Variants in KCNT2 observed in about 807,000 individuals in gnomAD.
The protein encoded by KCNT2 is potassium channel subfamily T member 2.
A neutral mutation model predicts 153.8 loss-of-function variants in KCNT2; 67 were observed. That is an observed-to-expected ratio of 0.44 (90% CI 0.36 to 0.53). The LOEUF (loss-of-function observed/expected upper bound fraction) is 0.53. KCNT2 is among the 20% of genes least tolerant of loss of function. The probability of loss-of-function intolerance (pLI) is 0.00; values close to 1 mark genes in which losing one functional copy is unlikely to be tolerated. For missense variants in KCNT2, 975 were observed against 1,354.8 expected (o/e 0.72, Z 4.40); for synonymous variants, 500 against 458.8 (o/e 1.09, Z -1.15).
At chr1:196,237,088 A>C (rs527580343) in intron 26 of KCNT2, among the ~76,000 whole-genome samples, 1 of 148,508 alleles carries the variant, frequency 6.7e-6, no homozygotes, top group East Asian at 1.9e-4. Context: ...AGTCTAAGAA[A>C]TGGTTTCATA....
intron 6 of KCNT2, among the ~76,000 whole-genome samples, chr1:196,468,160 A>G (rs1317010703): frequency 6.6e-6 from 1 of 152,044 alleles, no homozygotes; most frequent in Non-Finnish European, 1.5e-5. Flanking sequence ...TTTTTTCATA[A>G]TATTGCCTCT....
chr1:196,387,701 G>A (rs150096855), intron 13 of KCNT2, among the ~76,000 whole-genome samples: 56 of 151,832 alleles, frequency 3.7e-4, no homozygotes, highest in Admixed American at 1.5e-3. Context: ...AATGGTCATT[G>A]GTATATCCTT....
chr1:196,593,738 C>T (rs1018632195), intron 1 of KCNT2, among the ~76,000 whole-genome samples: 2 of 151,782 alleles, frequency 1.3e-5, no homozygotes, highest in African/African-American at 4.8e-5. Context: ...AAAAAAGAAA[C>T]CCTACAAAAG....
chr1:196,321,687 C>G (rs1409898175), intron 19 of KCNT2, among the ~76,000 whole-genome samples: 1 of 151,760 alleles, frequency 6.6e-6, no homozygotes, highest in Non-Finnish European at 1.5e-5. Flanking sequence ...AATATATAAT[C>G]CTGATGAAGG....
intron 1 of KCNT2, among the ~76,000 whole-genome samples, chr1:196,495,271 T>G (rs1472676946): frequency 1.3e-5 from 2 of 152,094 alleles, no homozygotes; most frequent in Non-Finnish European, 2.9e-5. Context: ...GCTTTTTTTT[T>G]TTTAATTTGA....
intron 21 of KCNT2, among the ~76,000 whole-genome samples, chr1:196,310,817 T>C (rs1662102457): frequency 6.6e-6 from 1 of 151,914 alleles, no homozygotes; most frequent in Non-Finnish European, 1.5e-5. Flanking sequence ...TTTTAAAATT[T>C]CTTTATTCTT....
chr1:196,404,169 C>T, intron 12 of KCNT2: 1 of 975,518 alleles, frequency 1.0e-6, no homozygotes, highest in Non-Finnish European at 1.2e-6. Context: ...GTTGATTATG[C>T]CTCTAAAGAC....
At chr1:196,542,866 T>C (rs1358735922) in intron 1 of KCNT2, among the ~76,000 whole-genome samples, 9 of 151,932 alleles carry the variant, frequency 5.9e-5, no homozygotes, top group African/African-American at 2.2e-4. Flanking sequence ...TGTTATGAAA[T>C]AAGAGTGAAG....
intron 1 of KCNT2, among the ~76,000 whole-genome samples, chr1:196,495,299 CT>C (rs1680170378): frequency 6.6e-6 from 1 of 151,474 alleles, no homozygotes; most frequent in Non-Finnish European, 1.5e-5. Context: ...ATAACTCTTT[CT>C]AGCAGCAAGG....
At chr1:196,545,357 A>C (rs564527316) in intron 1 of KCNT2, among the ~76,000 whole-genome samples, 1 of 152,198 alleles carries the variant, frequency 6.6e-6, no homozygotes, top group South Asian at 2.1e-4. Flanking sequence ...ACCACCATGA[A>C]GTAGATCACC....
chr1:196,493,159 C>T (rs934177742), intron 1 of KCNT2, among the ~76,000 whole-genome samples: 7 of 152,170 alleles, frequency 4.6e-5, no homozygotes, highest in African/African-American at 1.7e-4. Context: ...GTAAATAATA[C>T]TCAATTTCCT....
chr1:196,279,095 C>T (rs745507306), intron 25 of KCNT2, among the ~76,000 whole-genome samples: 1 of 152,174 alleles, frequency 6.6e-6, no homozygotes, highest in Non-Finnish European at 1.5e-5. Flanking sequence ...AATTAAATTT[C>T]TGTTGTTTAC....
At chr1:196,320,700 C>T (rs536823277) in intron 19 of KCNT2, among the ~76,000 whole-genome samples, 8 of 144,044 alleles carry the variant, frequency 5.6e-5, no homozygotes, top group African/African-American at 2.1e-4. Context: ...CTTAATACAG[C>T]AAAACATTTA....
At chr1:196,301,206 T>C (rs529824617) in intron 22 of KCNT2, among the ~76,000 whole-genome samples, 17 of 152,260 alleles carry the variant, frequency 1.1e-4, no homozygotes, top group African/African-American at 3.1e-4. Context: ...CTCAAGTCTA[T>C]TGAATTTCCC....
intron 26 of KCNT2, among the ~76,000 whole-genome samples, chr1:196,244,031 G>T (rs1331284603): frequency 6.6e-6 from 1 of 152,036 alleles, no homozygotes; most frequent in Non-Finnish European, 1.5e-5. Flanking sequence ...ACCAGGCAAA[G>T]TCCCGAGGTC....
chr1:196,280,728 T>G, intron 25 of KCNT2, 132 bp downstream of exon 25: 1 of 863,076 alleles, frequency 1.2e-6, no homozygotes, highest in Non-Finnish European at 1.8e-6. Flanking sequence ...GTTCTGAGAT[T>G]TAACACTACG....
chr1:196,450,802 C>T (rs932774676), intron 8 of KCNT2, among the ~76,000 whole-genome samples: 1 of 151,830 alleles, frequency 6.6e-6, no homozygotes. Flanking sequence ...TTTATTAAAA[C>T]GTCTATCTGA....
chr1:196,258,399 A>G lies in KCNT2; in HGVS notation c.3006T>C (p.Ser1002=), dbSNP rs751403929. 1 of 1,613,924 alleles carries G rather than the reference A, an allele frequency of 6.2e-7. No individual in the cohort carries two copies. Among genetic ancestry groups the G allele is most frequent in the Non-Finnish European group, 8.5e-7 (1 of 1,179,968 alleles). ...GCAGCAAGGGATGGTCCGACTGATC[A>G]CTGGATGTTGAGTTGCGGTGGTTGC... The part of the protein sequence containing the change: ...HRSNHRNSTS[S]DQSDHPLLRR... The change falls in exon 26 of 28, where the codon AGT becomes AGC. Residue 1002 remains serine (S), a synonymous_variant. Transcript: ENST00000294725.
chr1:196,230,449 A>G (rs773183156), intron 27 of KCNT2, among the ~76,000 whole-genome samples: 18 of 152,044 alleles, frequency 1.2e-4, no homozygotes, highest in Admixed American at 5.2e-4. Context: ...AAGAGCTCTG[A>G]TGGAGATGTA....
Sources: gnomAD v4.1 joint callset for allele counts (sites outside exome capture counted in the v4.1 genomes callset) on GRCh38, gnomAD v4.1.1 for gene constraint, MANE v1.5 for transcripts, NCBI Gene and HGNC (gene_info 2026-07-23, HGNC 2026-07-21) for gene names.